ATL1: variants seen among roughly 807,000 people sequenced by gnomAD.
ATL1 encodes atlastin GTPase 1.
Under a neutral mutation model 75.5 loss-of-function variants are expected in ATL1, and 31 were observed. That is an observed-to-expected ratio of 0.41 (90% CI 0.31 to 0.55). The LOEUF (loss-of-function observed/expected upper bound fraction) is 0.55, where lower values mean the gene tolerates loss of function less well. ATL1 is among the 20% of genes least tolerant of loss of function. The pLI, the probability that ATL1 is intolerant of heterozygous loss-of-function variation, is 0.27. For synonymous variants in ATL1, 226 were observed against 233.3 expected (o/e 0.97, Z 0.28); for missense variants, 405 against 662.6 (o/e 0.61, Z 4.27).
At chr14:50,560,452 G>A (rs1042973895) in intron 1 of ATL1, 153 bp downstream of exon 1, 1 of 1,041,604 alleles carries the variant, frequency 9.6e-7, no homozygotes, top group African/African-American at 1.6e-5. Context: ...TGTTTGGGCG[G>A]AGGAACCATG....
At chr14:50,542,006 C>CAA (rs59075218) in intron 1 of ATL1, among the ~76,000 whole-genome samples, 23 of 62,464 alleles carry the variant, frequency 3.7e-4, no homozygotes, top group South Asian at 1.1e-3. Context: ...GATTCCGTCT[C>CAA]AAAAAAAAAA....
intron 8 of ATL1, among the ~76,000 whole-genome samples, chr14:50,619,091 C>T (rs907315074): frequency 1.6e-4 from 24 of 152,022 alleles, no homozygotes; most frequent in African/African-American, 5.3e-4. Context: ...CTCCCTCTGT[C>T]GCCCAAGCTG....
At position 50,591,608 on chromosome 14, in the gene ATL1, T is replaced by C; in HGVS notation, c.491T>C (p.Phe164Ser). The C allele has an allele frequency of 6.2e-7, 1 of 1,613,680 alleles. No homozygotes were observed. The highest frequency in any genetic ancestry group is 8.5e-7 in the Non-Finnish European group (1 of 1,179,764). ...ACTTTGAGAGATTCAGCCACAGTAT[T>C]TGCCCTTAGCACAATGATCAGCTCA... Reference protein sequence around the residue: ...QSTLRDSATVFALSTMISSIQ... With the variant: ...QSTLRDSATVSALSTMISSIQ... Residue 164 changes from phenylalanine to serine, a missense_variant, in exon 4 of 14, where the codon TTT becomes TCT. Phe to Ser is a radical substitution (Grantham distance 155). Transcript: ENST00000358385.
At chr14:50,627,331 TGAATTAG>T (rs1352365523) in intron 11 of ATL1, among the ~76,000 whole-genome samples, 1 of 152,228 alleles carries the variant, frequency 6.6e-6, no homozygotes, top group Non-Finnish European at 1.5e-5. Flanking sequence ...AACTTTTATA[TGAATTAG>T]GAAATAAAAA....
chr14:50,622,440 G>A (rs964748181), intron 10 of ATL1, among the ~76,000 whole-genome samples: 1 of 152,140 alleles, frequency 6.6e-6, no homozygotes, highest in African/African-American at 2.4e-5. Flanking sequence ...GGCCGAGGCG[G>A]GCAGACCACG....
chr14:50,593,940 A>T, intron 5 of ATL1, 44 bp downstream of exon 5: 3 of 1,356,082 alleles, frequency 2.2e-6, no homozygotes, highest in Non-Finnish European at 3.2e-6. Flanking sequence ...GTAGTCTTTG[A>T]AACATGTATA....
intron 7 of ATL1, among the ~76,000 whole-genome samples, chr14:50,613,605 G>T (rs145740293): frequency 6.6e-6 from 1 of 152,162 alleles, no homozygotes; most frequent in Non-Finnish European, 1.5e-5. Context: ...TTTTAATAGA[G>T]GTTTCAAAGC....
At chr14:50,539,716 T>G (rs1480801761) in intron 1 of ATL1, among the ~76,000 whole-genome samples, 1 of 152,204 alleles carries the variant, frequency 6.6e-6, no homozygotes, top group Non-Finnish European at 1.5e-5. Context: ...GGAGGAGAGC[T>G]TATACAATGA....
upstream of ATL1, chr14:50,558,957 G>C (rs935491827): frequency 3.3e-5 from 5 of 152,230 alleles, no homozygotes; most frequent in Non-Finnish European, 5.9e-5. Context: ...TAATGCATAA[G>C]ATTTGGCAGT....
At chr14:50,586,349 G>C (rs1189203058) in intron 1 of ATL1, among the ~76,000 whole-genome samples, 1 of 152,058 alleles carries the variant, frequency 6.6e-6, no homozygotes, top group Admixed American at 6.5e-5. Context: ...GCAGGGCTGG[G>C]TTTTTTTGTA....
rs2934683 is a variant in ATL1, at chr14:50,591,793, G to A, written c.522+154G>A. On this transcript the variant is annotated intron_variant, in intron 4 of 13. Coordinates refer to ENST00000358385, the MANE Select transcript of ATL1 (RefSeq NM_015915.5). ...GCATACGAGTTCTCGTGATTTCTGT[G>A]AGAGTGGAATTGTTTTTGTTACTGT... The A allele has an allele frequency of 0.21, 124,729 of 602,066 alleles. 17,446 individuals carry two copies. Among genetic ancestry groups the A allele is most frequent in the African/African-American group, 0.57 (30,712 of 53,826 alleles). The allele number at this position is 602,066 out of a possible 1,614,324, so 37.3% of individuals were successfully genotyped here.
intron 2 of ATL1, 136 bp from the exon 3 acceptor site, chr14:50,590,805 T>C: frequency 1.2e-6 from 1 of 831,690 alleles, no homozygotes; most frequent in East Asian, 2.6e-5. Flanking sequence ...AATAAAGTGA[T>C]GGTATCAATG....
At chr14:50,621,174 T>G (rs1475507288) in intron 9 of ATL1, among the ~76,000 whole-genome samples, 1 of 152,230 alleles carries the variant, frequency 6.6e-6, no homozygotes, top group Admixed American at 6.5e-5. Flanking sequence ...TATTTTAAAT[T>G]TGCATTTACC....
chr14:50,592,007 T>A (rs1403213650), intron 4 of ATL1, among the ~76,000 whole-genome samples: 2 of 152,210 alleles, frequency 1.3e-5, no homozygotes, highest in Non-Finnish European at 2.9e-5. Flanking sequence ...AATATAAATT[T>A]TGTTCTACAT....
At chr14:50,591,782 G>A (rs947333729) in intron 4 of ATL1, 143 bp downstream of exon 4, 7 of 619,402 alleles carry the variant, frequency 1.1e-5, no homozygotes, top group African/African-American at 5.5e-5. Flanking sequence ...ACGAGTTCTC[G>A]TGATTTCTGT....
Position 50,560,190 on chromosome 14 carries a change from C to T in ATL1, c.-76C>T. The stretch of plus-strand genomic sequence containing the variant: ...CCAGCGCGGGCACGGAGCCTCCCAC[C>T]GCCAGCAACCTGCGGCCCCGGAGAA... On this transcript the variant is annotated 5_prime_UTR_variant, in exon 1 of 14. Coordinates refer to ENST00000358385, the MANE Select transcript of ATL1 (RefSeq NM_015915.5). 12 of 1,582,520 alleles carry T rather than the reference C, an allele frequency of 7.6e-6. No homozygotes were observed. The highest frequency in any genetic ancestry group is 9.5e-6 in the Non-Finnish European group (11 of 1,158,882).
chr14:50,596,614 G>A (rs992511152), intron 6 of ATL1, among the ~76,000 whole-genome samples: 2 of 152,172 alleles, frequency 1.3e-5, no homozygotes, highest in Admixed American at 1.3e-4. Context: ...TCGAAGGATT[G>A]AATTCATACT....
chr14:50,543,907 G>T (rs1212373909), intron 1 of ATL1, among the ~76,000 whole-genome samples: 1 of 152,144 alleles, frequency 6.6e-6, no homozygotes, highest in African/African-American at 2.4e-5. Flanking sequence ...CAGATGACAT[G>T]GTCACAATTC....
chr14:50,560,762 C>G (rs1051847684), intron 1 of ATL1, among the ~76,000 whole-genome samples: 7 of 152,220 alleles, frequency 4.6e-5, no homozygotes, highest in African/African-American at 7.2e-5. Context: ...GCTGGCTCTG[C>G]AGGGCGCGGG....
Sources: allele counts gnomAD v4.1 joint callset (sites outside exome capture counted in the v4.1 genomes callset), GRCh38; gene constraint gnomAD v4.1.1; transcripts MANE v1.5; gene names NCBI Gene and HGNC (gene_info 2026-07-23, HGNC 2026-07-21).